The following SLCO1B3 variants were observed in gnomAD, a reference collection of about 807,000 sequenced individuals.
SLCO1B3 encodes liver-specific organic anion transporter 2.
A neutral mutation model predicts 71.8 loss-of-function variants in SLCO1B3; 72 were observed. The ratio of observed to expected loss-of-function variants is 1.00; its 90% CI spans 0.83 to 1.22. The LOEUF is 1.22. Ranked by LOEUF, SLCO1B3 falls within the 50% of genes most tolerant of loss-of-function variation. The pLI, the probability that SLCO1B3 is intolerant of heterozygous loss-of-function variation, is 0.00. For missense variants in SLCO1B3, 911 were observed against 819.7 expected (o/e 1.11, Z -1.36); for synonymous variants, 298 against 278.4 (o/e 1.07, Z -0.70).
At chr12:20,841,000 G>A (rs975222349) in intron 3 of SLCO1B3, among the ~76,000 whole-genome samples, 1 of 152,114 alleles carries the variant, frequency 6.6e-6, no homozygotes, top group African/African-American at 2.4e-5. Flanking sequence ...CAAAAAAGGG[G>A]GTCCTTGAAT....
At chr12:20,839,590 T>TC (rs1412053471) in intron 3 of SLCO1B3, among the ~76,000 whole-genome samples, 1 of 152,128 alleles carries the variant, frequency 6.6e-6, no homozygotes, top group Non-Finnish European at 1.5e-5. Flanking sequence ...GGGACTTTTT[T>TC]CCCCTTGTCT....
chr12:20,883,572 G>C lies in SLCO1B3; in HGVS notation c.1652G>C (p.Gly551Ala), dbSNP rs1276053307. 2 of 1,596,228 alleles carry C rather than the reference G, an allele frequency of 1.3e-6. No individual in the cohort carries two copies. Among genetic ancestry groups the C allele is most frequent in the African/African-American group, 1.4e-5 (1 of 73,604 alleles). Residue 551 changes from glycine to alanine, a missense_variant, in exon 13 of 16, where the codon GGA becomes GCA. Gly to Ala is a moderately conservative substitution (Grantham distance 60). Transcript: ENST00000381545. ...QVINSLFSAT[G>A]GTTFILLTVK... Reference sequence around the variant, plus strand: ...ATAAACTCTTTGTTCTCTGCAACAGGAGGTACCACATTTATCTTGTTGACT... The same window carrying C: ...ATAAACTCTTTGTTCTCTGCAACAGCAGGTACCACATTTATCTTGTTGACT...
At chr12:20,881,160 G>A (rs547413046) in intron 12 of SLCO1B3, 140 bp downstream of exon 12, 20 of 578,756 alleles carry the variant, frequency 3.5e-5, no homozygotes, top group South Asian at 1.5e-4. Context: ...ATCTGTCCTC[G>A]TGATAGCTGT....
chr12:20,811,743 T>A (rs1025480171), intron 1 of SLCO1B3, among the ~76,000 whole-genome samples: 7 of 152,296 alleles, frequency 4.6e-5, no homozygotes, highest in East Asian at 1.9e-4. Context: ...CAACATTTAT[T>A]TATGTCAATA....
chr12:20,859,953 CTTTTTTTTTT>C, intron 5 of SLCO1B3, among the ~76,000 whole-genome samples: 1 of 118,004 alleles, frequency 8.5e-6, no homozygotes, highest in African/African-American at 3.2e-5. Context: ...CTGATCATTT[CTTTTTTTTTT>C]TTTTTTTTTT....
intron 3 of SLCO1B3, among the ~76,000 whole-genome samples, chr12:20,826,161 ACAATTAAAG>A (rs2121110112): frequency 6.6e-6 from 1 of 152,324 alleles, no homozygotes; most frequent in Non-Finnish European, 1.5e-5. Flanking sequence ...GTTTCATAGA[ACAATTAAAG>A]CCAAGAGCAC....
intron 15 of SLCO1B3, among the ~76,000 whole-genome samples, chr12:20,908,137 TA>T (rs1443473216): frequency 1.3e-5 from 2 of 152,096 alleles, no homozygotes; most frequent in African/African-American, 2.4e-5. Context: ...TAAAGTATAA[TA>T]AAAAAATTTT....
chr12:20,822,398 C>A (rs950010540), intron 3 of SLCO1B3, among the ~76,000 whole-genome samples: 8 of 151,816 alleles, frequency 5.3e-5, no homozygotes, highest in Non-Finnish European at 1.2e-4. Flanking sequence ...TCACAAGGTG[C>A]TCGGTGGGGG....
chr12:20,895,851 C>A (rs1477640786), intron 13 of SLCO1B3, among the ~76,000 whole-genome samples: 2 of 152,266 alleles, frequency 1.3e-5, no homozygotes, highest in African/African-American at 2.4e-5. Context: ...CAGCAAACTT[C>A]TTCCTGGGCA....
In SLCO1B3 at chr12:20,901,381, T is replaced by G. The variant is rs779626518; in HGVS notation, c.1779T>G (p.Ala593=). 1 of 1,590,378 alleles carries G rather than the reference T, an allele frequency of 6.3e-7. No homozygotes were observed. Among genetic ancestry groups the G allele is most frequent in the Non-Finnish European group, 8.5e-7 (1 of 1,171,368 alleles). ...TTCTAGCTCCAATATATTTTGGGGC[T>G]CTGATTGATAAAACATGTATGAAGT... is the stretch of plus-strand genomic sequence containing the variant. ...GGILAPIYFG[A]LIDKTCMKWS... is the part of the protein sequence containing the mutation. Residue 593 remains alanine (A), a synonymous_variant, in exon 15 of 16, where the codon GCT becomes GCG. Transcript: ENST00000381545.
chr12:20,855,840 T>C (rs904705132), intron 4 of SLCO1B3, among the ~76,000 whole-genome samples: 2 of 151,802 alleles, frequency 1.3e-5, no homozygotes, highest in African/African-American at 2.4e-5. Flanking sequence ...TACAAACTGC[T>C]AGCTTATAGC....
chr12:20,845,722 A>G (rs912487513), intron 3 of SLCO1B3, among the ~76,000 whole-genome samples: 1 of 152,170 alleles, frequency 6.6e-6, no homozygotes. Flanking sequence ...GTTCTGTAAT[A>G]TCTGTTAGGC....
At chr12:20,898,743 T>C (rs1727619170) in intron 14 of SLCO1B3, among the ~76,000 whole-genome samples, 3 of 152,198 alleles carry the variant, frequency 2.0e-5, no homozygotes, top group African/African-American at 7.2e-5. Context: ...ATTTATATTA[T>C]ATTCTTTCTA....
chr12:20,908,963 A>G (rs1866310740), intron 15 of SLCO1B3, among the ~76,000 whole-genome samples: 1 of 152,162 alleles, frequency 6.6e-6, no homozygotes, highest in Non-Finnish European at 1.5e-5. Context: ...AAATTGTCAG[A>G]CTGGCTTCAA....
At chr12:20,875,865 T>C (rs2121293818) in intron 9 of SLCO1B3, among the ~76,000 whole-genome samples, 1 of 152,072 alleles carries the variant, frequency 6.6e-6, no homozygotes, top group South Asian at 2.1e-4. Flanking sequence ...TAATAGAACA[T>C]TGCCTTTATT....
At chr12:20,829,616 C>T (rs528094312) in intron 3 of SLCO1B3, among the ~76,000 whole-genome samples, 14 of 152,298 alleles carry the variant, frequency 9.2e-5, no homozygotes, top group Non-Finnish European at 1.8e-4. Context: ...ATCCAGACCA[C>T]AAGAGAGGGT....
intron 9 of SLCO1B3, among the ~76,000 whole-genome samples, chr12:20,876,328 C>T (rs1332227260): frequency 1.3e-5 from 2 of 152,108 alleles, no homozygotes; most frequent in Admixed American, 1.3e-4. Flanking sequence ...AAGGTATTGA[C>T]AGCAGTTTTC....
intron 3 of SLCO1B3, among the ~76,000 whole-genome samples, chr12:20,823,674 C>T (rs533224146): frequency 4.5e-4 from 69 of 152,262 alleles, no homozygotes; most frequent in African/African-American, 1.4e-3. Context: ...TTTTGCACTA[C>T]GAATGTAAGA....
chr12:20,893,242 C>T (rs1194815386), intron 13 of SLCO1B3, among the ~76,000 whole-genome samples: 1 of 151,992 alleles, frequency 6.6e-6, no homozygotes, highest in African/African-American at 2.4e-5. Flanking sequence ...GAAAAGAGGT[C>T]AAGAAACTGA....
Sources: allele counts gnomAD v4.1 joint callset (sites outside exome capture counted in the v4.1 genomes callset), GRCh38; gene constraint gnomAD v4.1.1; transcripts MANE v1.5; gene names NCBI Gene and HGNC (gene_info 2026-07-23, HGNC 2026-07-21).